The following ATG12 variants were observed in gnomAD, a reference collection of about 807,000 sequenced individuals.
ATG12 encodes autophagy related 12, also known as ubiquitin-like protein ATG12.
In ATG12, 19 loss-of-function variants were observed where a neutral mutation model predicts 17.6. The observed-to-expected ratio is 1.08, with a 90% CI of 0.75 to 1.58. The LOEUF is 1.58. Ranked by LOEUF, ATG12 falls within the 40% of genes most tolerant of loss-of-function variation. The pLI, the probability that ATG12 is intolerant of heterozygous loss-of-function variation, is 0.00. For synonymous variants in ATG12, 75 were observed against 62.4 expected, an observed-to-expected ratio of 1.20 and a Z score of -0.95; for missense variants, 214 against 162.0, an observed-to-expected ratio of 1.32 and a Z score of -1.74.
At chr5:115,837,590 C>A (rs1214204798) in intron 2 of ATG12, 38 bp downstream of exon 2, 22 of 1,607,104 alleles carry the variant, frequency 1.4e-5, no homozygotes, top group Non-Finnish European at 1.7e-5. Flanking sequence ...GGAACTACTG[C>A]AAATTTTTGT....
intron 3 of ATG12, 29 bp downstream of exon 3, chr5:115,832,563 ATTTCTTTCTT>A: frequency 2.9e-6 from 4 of 1,392,716 alleles, no homozygotes; most frequent in East Asian, 2.8e-5. Context: ...AAAAGCAGTA[ATTTCTTTCTT>A]TTTTTTTTTT....
intron 1 of ATG12, chr5:115,838,794 C>CA (rs528948558): frequency 1.3e-4 from 20 of 152,248 alleles, no homozygotes; most frequent in Non-Finnish European, 2.4e-4. Context: ...TAAAACAAAA[C>CA]AAACATACAT....
rs1760845511 is a variant in ATG12 at position 115,830,950 on chromosome 5, A to C, written c.*854T>G. 6.6e-6 allele frequency: 1 copy of C among 152,236 alleles called. No homozygotes were observed. Among genetic ancestry groups the C allele is most frequent in the African/African-American group, 2.4e-5 (1 of 41,460 alleles). 9.4% of individuals were successfully genotyped at this position (152,236 alleles called of 1,614,324 possible). ...CTTTTAGTCATGGCATAAAATATAC[A>C]ATAAGGCTATTTTTCAATTATTGTT... On this transcript the variant is annotated 3_prime_UTR_variant, in exon 4 of 4. Coordinates refer to ENST00000509910, the MANE Select transcript of ATG12 (RefSeq NM_004707.4).
rs1760721961 is a variant in ATG12, at chr5:115,828,356, C to T, written c.*3448G>A. On this transcript the variant is annotated 3_prime_UTR_variant, in exon 4 of 4. Transcript: ENST00000509910. ...TGGCCCCCTAAAAGTGATATACCAA[C>T]TCATATTCTATTCACCAAAATATGA... 1 of 152,194 alleles carries T rather than the reference C, an allele frequency of 6.6e-6. No individual in the cohort carries two copies. Among genetic ancestry groups the T allele is most frequent in the Admixed American group, 6.5e-5 (1 of 15,288 alleles). The allele number at this position is 152,194 out of a possible 1,614,324, so 9.4% of individuals were successfully genotyped here. A position where few individuals can be genotyped will look rare whatever the true frequency, so the allele number is the denominator to read the frequency against.
chr5:115,829,923 T>A lies in ATG12; in HGVS notation c.*1881A>T, dbSNP rs1760795346. The A allele has an allele frequency of 6.6e-6, 1 of 152,194 alleles. No homozygotes were observed. The highest frequency in any genetic ancestry group is 1.5e-5 in the Non-Finnish European group (1 of 68,086). 9.4% of individuals were successfully genotyped at this position (152,194 alleles called of 1,614,324 possible). A position where few individuals can be genotyped will look rare whatever the true frequency, so the allele number is the denominator to read the frequency against. On this transcript the variant is annotated 3_prime_UTR_variant, in exon 4 of 4. Transcript: ENST00000509910. ...GTCAGTCAGGAGTTTGAGACCAGCC[T>A]GGCCAAAATGGTAAAACCCTGTCTC...
At chr5:115,836,663 T>C (rs750256207) in intron 2 of ATG12, among the ~76,000 whole-genome samples, 1 of 152,216 alleles carries the variant, frequency 6.6e-6, no homozygotes, top group East Asian at 1.9e-4. Flanking sequence ...CAAAAATTCC[T>C]GATTTTATTT....
At chr5:115,835,820 T>TG (rs1761073167) in intron 2 of ATG12, among the ~76,000 whole-genome samples, 1 of 152,188 alleles carries the variant, frequency 6.6e-6, no homozygotes, top group African/African-American at 2.4e-5. Flanking sequence ...GCTGATACCA[T>TG]GCAGGTCCTG....
intron 2 of ATG12, 133 bp from the exon 3 acceptor site, chr5:115,832,797 T>C (rs1760942373): frequency 1.3e-6 from 1 of 799,542 alleles, no homozygotes; most frequent in Non-Finnish European, 1.9e-6. Context: ...TCCTAACTTT[T>C]CTAAATAGTC....
intron 1 of ATG12, among the ~76,000 whole-genome samples, chr5:115,840,251 C>G (rs1310091735): frequency 2.6e-5 from 4 of 151,732 alleles, no homozygotes; most frequent in Admixed American, 6.6e-5. Flanking sequence ...AGAGAATTAT[C>G]CTCCACAGTA....
chr5:115,839,122 CAAAAAAA>C (rs35189719), intron 1 of ATG12: 2 of 104,006 alleles, frequency 1.9e-5, no homozygotes, highest in East Asian at 6.1e-4. Context: ...GACATCCTCT[CAAAAAAA>C]AAAAAAAAAA....
chr5:115,837,835 T>TA (rs1375996746), intron 1 of ATG12, 71 bp from the exon 2 acceptor site: 11 of 1,280,756 alleles, frequency 8.6e-6, no homozygotes, highest in Admixed American at 3.0e-5. Flanking sequence ...ATAAAAGACT[T>TA]AGAAATCAGA....
chr5:115,839,653 G>A (rs377374169), intron 1 of ATG12, among the ~76,000 whole-genome samples: 2 of 152,130 alleles, frequency 1.3e-5, no homozygotes, highest in South Asian at 2.1e-4. Flanking sequence ...ATACACATTA[G>A]AATCAACTAG....
intron 1 of ATG12, chr5:115,838,606 C>T (rs929023808): frequency 6.6e-6 from 1 of 152,156 alleles, no homozygotes; most frequent in Non-Finnish European, 1.5e-5. Context: ...CTGTTTGTAA[C>T]TACCAAATTT....
In ATG12 at chr5:115,837,643, C is replaced by A. The variant is rs1286412489; in HGVS notation, c.285G>T (p.Val95=). 6.2e-7 allele frequency: 1 copy of A among 1,611,126 alleles called. No individual in the cohort carries two copies. Among genetic ancestry groups the A allele is most frequent in the Admixed American group, 1.7e-5 (1 of 59,520 alleles). The change falls in exon 2 of 4, where the codon GTG becomes GTT. Residue 95 remains valine, a synonymous_variant. Transcript: ENST00000509910. ...IDFIKKFLKL[V]ASEQLFIYVN... ...GGTTTCATACCAACTGTTCTGAGGCCACAAGTTTAAGAAACTTTTTGATGA... is the reference window on the plus strand; with the variant it reads ...GGTTTCATACCAACTGTTCTGAGGCAACAAGTTTAAGAAACTTTTTGATGA...
chr5:115,833,011 C>G lies in ATG12; in HGVS notation c.301-347G>C, dbSNP rs150394403. ...CCCACTTACCCACAAAGAATTTCTC[C>G]TAAGATAATTACACAGGCACACAGC... On this transcript the variant is annotated intron_variant, in intron 2 of 3. Transcript: ENST00000509910. The G allele has an allele frequency of 4.6e-3, 806 of 176,312 alleles. 9 individuals are homozygous for G. Among genetic ancestry groups the G allele is most frequent in the African/African-American group, 0.015 (641 of 42,472 alleles). 10.9% of individuals were successfully genotyped at this position (176,312 alleles called of 1,614,324 possible).
At chr5:115,837,593 A>T in intron 2 of ATG12, 35 bp downstream of exon 2, 1 of 1,607,618 alleles carries the variant, frequency 6.2e-7, no homozygotes, top group Non-Finnish European at 8.5e-7. Flanking sequence ...ACTACTGCAA[A>T]TTTTTGTAGG....
At chr5:115,840,894 A>G in intron 1 of ATG12, 1 of 1,288,472 alleles carries the variant, frequency 7.8e-7, no homozygotes, top group Non-Finnish European at 1.0e-6. Context: ...CATTCTGCAT[A>G]AGAATTTGGT....
intron 2 of ATG12, among the ~76,000 whole-genome samples, chr5:115,835,971 G>C (rs182826914): frequency 5.3e-5 from 8 of 152,176 alleles, no homozygotes; most frequent in Admixed American, 2.6e-4. Flanking sequence ...ATTTCAGAGA[G>C]ATTCACGTGT....
chr5:115,834,587 G>A (rs978829407), intron 2 of ATG12, among the ~76,000 whole-genome samples: 8 of 151,972 alleles, frequency 5.3e-5, no homozygotes, highest in Admixed American at 4.6e-4. Flanking sequence ...TTAAATTGAT[G>A]TCTCTAGTTA....
Sources: gnomAD v4.1 joint callset for allele counts (sites outside exome capture counted in the v4.1 genomes callset) on GRCh38, gnomAD v4.1.1 for gene constraint, MANE v1.5 for transcripts, NCBI Gene and HGNC (gene_info 2026-07-23, HGNC 2026-07-21) for gene names.